Variants in SNTG1 observed in about 807,000 individuals in gnomAD.
SNTG1 encodes syntrophin gamma 1.
In SNTG1, 39 loss-of-function variants were observed where a neutral mutation model predicts 74.7. The observed-to-expected ratio is 0.52, with a 90% CI of 0.40 to 0.68. The LOEUF (loss-of-function observed/expected upper bound fraction) is 0.68. SNTG1 is among the 30% of genes least tolerant of loss of function. SNTG1 has a pLI of 0.00. For synonymous variants in SNTG1, 254 were observed against 217.1 expected (o/e 1.17, Z -1.49); for missense variants, 685 against 609.5 (o/e 1.12, Z -1.30).
chr8:50,152,410 T>G (rs1262266054), intron 1 of SNTG1, among the ~76,000 whole-genome samples: 2 of 152,202 alleles, frequency 1.3e-5, no homozygotes, highest in African/African-American at 2.4e-5. Context: ...CATTTACATT[T>G]AAGGTTAATA....
chr8:50,703,093 A>T (rs1416124732), intron 15 of SNTG1, among the ~76,000 whole-genome samples: 2 of 152,124 alleles, frequency 1.3e-5, no homozygotes, highest in Non-Finnish European at 2.9e-5. Context: ...GAGCACTTAG[A>T]CTACACTACA....
chr8:50,223,572 A>G (rs897864207), intron 2 of SNTG1, among the ~76,000 whole-genome samples: 1 of 152,262 alleles, frequency 6.6e-6, no homozygotes, highest in Admixed American at 6.5e-5. Flanking sequence ...TAAGAAATTT[A>G]AGGAGAAATA....
chr8:50,431,283 G>C (rs943810335), intron 4 of SNTG1, among the ~76,000 whole-genome samples: 1 of 152,140 alleles, frequency 6.6e-6, no homozygotes, highest in Non-Finnish European at 1.5e-5. Flanking sequence ...ATGTGGGTTT[G>C]TCAGTTGTAA....
intron 8 of SNTG1, among the ~76,000 whole-genome samples, chr8:50,459,366 G>A (rs973244957): frequency 1.3e-5 from 2 of 151,978 alleles, no homozygotes; most frequent in African/African-American, 4.8e-5. Flanking sequence ...AATGGTTTTA[G>A]TTTTTATTTT....
intron 2 of SNTG1, among the ~76,000 whole-genome samples, chr8:50,329,666 T>G (rs2090886432): frequency 6.6e-6 from 1 of 152,050 alleles, no homozygotes; most frequent in South Asian, 2.1e-4. Flanking sequence ...TTTTTCCTCC[T>G]AGACTTCCAT....
intron 2 of SNTG1, among the ~76,000 whole-genome samples, chr8:50,193,940 T>G (rs1168663908): frequency 6.6e-6 from 1 of 152,198 alleles, no homozygotes; most frequent in African/African-American, 2.4e-5. Context: ...ATGTGATTTT[T>G]GTTTTTAATT....
At chr8:50,779,165 A>C (rs2095650534) in intron 18 of SNTG1, among the ~76,000 whole-genome samples, 1 of 152,288 alleles carries the variant, frequency 6.6e-6, no homozygotes, top group Non-Finnish European at 1.5e-5. Flanking sequence ...CTTTTGGCTT[A>C]GGATGGACTT....
intron 2 of SNTG1, among the ~76,000 whole-genome samples, chr8:50,346,265 T>A (rs1424172396): frequency 6.6e-6 from 1 of 152,250 alleles, no homozygotes; most frequent in Non-Finnish European, 1.5e-5. Flanking sequence ...ATTGTCATGA[T>A]ATTTCAAACT....
rs1194904896 is a variant in SNTG1 at position 49,971,456 on chromosome 8, C to T, written c.-103+59225C>T. 7.9e-5 allele frequency among the ~76,000 whole-genome samples: 12 copies of T among 152,144 alleles called. 1 individual carries two copies. Among genetic ancestry groups the T allele is most frequent in the African/African-American group, 2.9e-4 (12 of 41,414 alleles). ...GGAGCACTCCCTTTCAAAACTGGCA[C>T]AAGACAGATGCCCTCCCTCACCACT... On this transcript the variant is annotated intron_variant, in intron 1 of 18. Coordinates refer to ENST00000642720, the MANE Select transcript of SNTG1 (RefSeq NM_018967.5).
intron 1 of SNTG1, among the ~76,000 whole-genome samples, chr8:49,952,975 T>C (rs540064515): frequency 7.9e-4 from 121 of 152,322 alleles, no homozygotes; most frequent in Non-Finnish European, 1.3e-3. Context: ...TTCATGTAGA[T>C]AAATTTGTTG....
chr8:50,282,788 A>G (rs2088548448), intron 2 of SNTG1, among the ~76,000 whole-genome samples: 1 of 152,138 alleles, frequency 6.6e-6, no homozygotes, highest in Admixed American at 6.6e-5. Flanking sequence ...GGAAAAATAA[A>G]TAAATAAATA....
At chr8:50,180,572 A>T (rs2083165225) in intron 2 of SNTG1, among the ~76,000 whole-genome samples, 1 of 152,168 alleles carries the variant, frequency 6.6e-6, no homozygotes, top group African/African-American at 2.4e-5. Flanking sequence ...CTCAATGAAA[A>T]GAAATGCAAG....
At chr8:50,068,989 A>G (rs1821126016) in intron 1 of SNTG1, among the ~76,000 whole-genome samples, 1 of 152,202 alleles carries the variant, frequency 6.6e-6, no homozygotes, top group African/African-American at 2.4e-5. Context: ...AAAATTGAAA[A>G]CAAGCAAAAA....
At chr8:50,544,227 T>A (rs1014607028) in intron 11 of SNTG1, among the ~76,000 whole-genome samples, 18 of 152,104 alleles carry the variant, frequency 1.2e-4, no homozygotes, top group African/African-American at 4.3e-4. Context: ...CATACATGTA[T>A]AACTATTACA....
intron 1 of SNTG1, among the ~76,000 whole-genome samples, chr8:49,962,038 C>T (rs2129741186): frequency 6.6e-6 from 1 of 152,268 alleles, no homozygotes; most frequent in African/African-American, 2.4e-5. Flanking sequence ...CCTCTGCTCC[C>T]AGGGCCTCCC....
In SNTG1 at chr8:50,431,086, C is replaced by T. The variant is rs77966559; in HGVS notation, c.163-7457C>T. On this transcript the variant is annotated intron_variant, in intron 4 of 18. Transcript: ENST00000642720. ...CATCGCTGAGGTTGTAACATACATT[C>T]GTAATGTAGTTCAAGTGTCACAGAC... Among the ~76,000 whole-genome samples the T allele has an allele frequency of 9.7e-3, 1,479 of 152,224 alleles. 26 individuals are homozygous for T. Among genetic ancestry groups the T allele is most frequent in the African/African-American group, 0.034 (1,406 of 41,528 alleles).
intron 1 of SNTG1, among the ~76,000 whole-genome samples, chr8:50,170,153 C>A (rs2082756377): frequency 2.0e-5 from 3 of 152,152 alleles, no homozygotes; most frequent in East Asian, 3.9e-4. Flanking sequence ...AGACCAGGAG[C>A]GGACCAGCCT....
chr8:50,533,101 A>C (rs1305488022), intron 10 of SNTG1, among the ~76,000 whole-genome samples: 2 of 152,204 alleles, frequency 1.3e-5, no homozygotes, highest in African/African-American at 4.8e-5. Context: ...AGGTACATGA[A>C]AGTCACTTGT....
At chr8:50,214,561 C>T (rs1181297933) in intron 2 of SNTG1, among the ~76,000 whole-genome samples, 1 of 151,976 alleles carries the variant, frequency 6.6e-6, no homozygotes, top group East Asian at 1.9e-4. Flanking sequence ...TTTGAATTTT[C>T]TATGTACTTG....
Sources: gnomAD v4.1 joint callset for allele counts (sites outside exome capture counted in the v4.1 genomes callset) on GRCh38, gnomAD v4.1.1 for gene constraint, MANE v1.5 for transcripts, NCBI Gene and HGNC (gene_info 2026-07-23, HGNC 2026-07-21) for gene names.